The following ILKAP variants were observed in gnomAD, a reference collection of about 807,000 sequenced individuals.
ILKAP encodes the protein integrin-linked kinase-associated serine/threonine phosphatase 2C.
A neutral mutation model predicts 49.1 loss-of-function variants in ILKAP; 11 were observed. The observed-to-expected ratio is 0.22, with a 90% confidence interval of 0.14 to 0.37. The LOEUF is 0.37. Among genes scored for constraint, ILKAP ranks in the 10% least tolerant of loss-of-function variants. ILKAP has a pLI of 1.00. For missense variants in ILKAP, 363 were observed against 510.8 expected (o/e 0.71, Z 2.79); for synonymous variants, 186 against 192.8 (o/e 0.96, Z 0.29).
chr2:238,203,623 C>G lies in ILKAP; in HGVS notation c.-70G>C, dbSNP rs1694672151. On this transcript the variant is annotated 5_prime_UTR_variant, in exon 1 of 12. Coordinates refer to ENST00000254654, the MANE Select transcript of ILKAP (RefSeq NM_030768.3). ...CGCGAGCAGCGGCCGGGCTCCACAC[C>G]CCGGGCGGGCGGCAGCAGCGGGCGG... 1 of 978,652 alleles carries G rather than the reference C, an allele frequency of 1.0e-6. No homozygotes were observed. Among genetic ancestry groups the G allele is most frequent in the Non-Finnish European group, 1.3e-6 (1 of 785,928 alleles). The allele number at this position is 978,652 out of a possible 1,614,324, so 60.6% of individuals were successfully genotyped here.
chr2:238,187,972 C>T (rs929393787), intron 5 of ILKAP, among the ~76,000 whole-genome samples, 159 bp downstream of exon 5: 6 of 152,198 alleles, frequency 3.9e-5, no homozygotes, highest in Non-Finnish European at 8.8e-5. Flanking sequence ...ACAAATGTCC[C>T]CTGGGCGGGG....
intron 1 of ILKAP, among the ~76,000 whole-genome samples, chr2:238,198,549 A>G (rs1232934728): frequency 6.6e-6 from 1 of 152,166 alleles, no homozygotes; most frequent in African/African-American, 2.4e-5. Context: ...CTTACATTCT[A>G]TTTTGAATAA....
intron 8 of ILKAP, among the ~76,000 whole-genome samples, chr2:238,182,814 T>G (rs1478954812): frequency 6.6e-6 from 1 of 152,222 alleles, no homozygotes; most frequent in Non-Finnish European, 1.5e-5. Context: ...TAAACACATG[T>G]GGGCTAAGGC....
intron 10 of ILKAP, 83 bp downstream of exon 10, chr2:238,173,451 C>T (rs960266092): frequency 3.9e-6 from 6 of 1,556,722 alleles, no homozygotes; most frequent in Admixed American, 3.5e-5. Context: ...TTCCCTCCAA[C>T]AAAGGCTTGA....
At chr2:238,171,205 G>A (rs951836510) in intron 10 of ILKAP, among the ~76,000 whole-genome samples, 181 bp from the exon 11 acceptor site, 1 of 149,104 alleles carries the variant, frequency 6.7e-6, no homozygotes, top group African/African-American at 2.5e-5. Flanking sequence ...TGTTGCCCAG[G>A]CTGGAGTGCA....
intron 1 of ILKAP, among the ~76,000 whole-genome samples, chr2:238,197,604 G>C (rs1366140633): frequency 6.6e-6 from 1 of 152,130 alleles, no homozygotes; most frequent in Non-Finnish European, 1.5e-5. Flanking sequence ...TCCTCACAAT[G>C]CAACTTACAG....
intron 9 of ILKAP, among the ~76,000 whole-genome samples, chr2:238,181,332 G>A (rs1190447596): frequency 6.6e-6 from 1 of 152,216 alleles, no homozygotes; most frequent in Non-Finnish European, 1.5e-5. Flanking sequence ...AATTCATAAT[G>A]CAATGTCCTT....
At chr2:238,188,567 A>G (rs1693998015) in intron 4 of ILKAP, 1 of 219,160 alleles carries the variant, frequency 4.6e-6, no homozygotes, top group East Asian at 1.0e-4. Context: ...GCCATCCCAG[A>G]GAAGTGAGAT....
chr2:238,195,552 T>C (rs1044333066), intron 1 of ILKAP, among the ~76,000 whole-genome samples: 30 of 152,246 alleles, frequency 2.0e-4, no homozygotes, highest in Non-Finnish European at 1.3e-4. Context: ...CAATTATCTT[T>C]TTCCACATAA....
At chr2:238,182,956 A>T (rs1693756757) in intron 8 of ILKAP, among the ~76,000 whole-genome samples, 1 of 152,210 alleles carries the variant, frequency 6.6e-6, no homozygotes, top group Non-Finnish European at 1.5e-5. Context: ...GGAGGGGTCT[A>T]AAGATGCTGC....
intron 10 of ILKAP, 136 bp from the exon 11 acceptor site, chr2:238,171,160 C>CT (rs370968879): frequency 0.065 from 25,527 of 395,614 alleles, 150 homozygotes; most frequent in African/African-American, 0.093. Flanking sequence ...TTTCTTTTTT[C>CT]TTTTTTTTTT....
chr2:238,176,506 C>T (rs902635550), intron 9 of ILKAP, among the ~76,000 whole-genome samples: 3 of 152,236 alleles, frequency 2.0e-5, no homozygotes, highest in Non-Finnish European at 4.4e-5. Flanking sequence ...TTAGGACTGG[C>T]CTCCTGCCCT....
At chr2:238,191,304 G>T (rs1042133980) in intron 3 of ILKAP, among the ~76,000 whole-genome samples, 2 of 151,932 alleles carry the variant, frequency 1.3e-5, no homozygotes, top group East Asian at 3.9e-4. Flanking sequence ...GCTAATTTTT[G>T]TATTTTTGTA....
intron 9 of ILKAP, 107 bp from the exon 10 acceptor site, chr2:238,173,760 CTG>C: frequency 7.9e-7 from 1 of 1,266,278 alleles, no homozygotes; most frequent in East Asian, 2.4e-5. Flanking sequence ...AAGATACAGA[CTG>C]TGGAATTCAC....
chr2:238,189,846 T>A lies in ILKAP; in HGVS notation c.298+7A>T. The A allele has an allele frequency of 1.2e-6, 2 of 1,613,510 alleles. No homozygotes were observed. Among genetic ancestry groups the A allele is most frequent in the South Asian group, 2.2e-5 (2 of 90,998 alleles). On this transcript the variant is annotated splice_region_variant and intron_variant, in intron 4 of 11. Coordinates refer to ENST00000254654, the MANE Select transcript of ILKAP (RefSeq NM_030768.3). Reference sequence around the variant, plus strand: ...CTAATACATTTGTTTTCAAATTGTCTGAAAACCTTTACAAACTTTCTTTTC... The same window carrying A: ...CTAATACATTTGTTTTCAAATTGTCAGAAAACCTTTACAAACTTTCTTTTC...
chr2:238,172,522 C>G (rs10929268), intron 10 of ILKAP, among the ~76,000 whole-genome samples: 125,069 of 152,190 alleles, frequency 0.82, 51,557 homozygotes, highest in East Asian at 0.98. Context: ...CCCAGGAAGG[C>G]GAGCTAGGAA....
intron 5 of ILKAP, among the ~76,000 whole-genome samples, chr2:238,187,907 A>C (rs972512438): frequency 6.6e-6 from 1 of 152,242 alleles, no homozygotes; most frequent in African/African-American, 2.4e-5. Flanking sequence ...TCTACCCACC[A>C]GATGCCAGTA....
intron 10 of ILKAP, among the ~76,000 whole-genome samples, chr2:238,172,580 G>A (rs1693272284): frequency 1.3e-5 from 2 of 152,212 alleles, no homozygotes; most frequent in Admixed American, 1.3e-4. Flanking sequence ...GGCGGCTGCT[G>A]GAGAGATGAT....
chr2:238,191,678 TG>T (rs1309147892), intron 3 of ILKAP, among the ~76,000 whole-genome samples: 1 of 151,240 alleles, frequency 6.6e-6, no homozygotes, highest in East Asian at 2.0e-4. Flanking sequence ...GAGGCTGAGA[TG>T]GGCAGATCAT....
Sources: allele counts gnomAD v4.1 joint callset (sites outside exome capture counted in the v4.1 genomes callset), GRCh38; gene constraint gnomAD v4.1.1; transcripts MANE v1.5; gene names NCBI Gene and HGNC (gene_info 2026-07-23, HGNC 2026-07-21).